Variants in SLCO1B3 observed in about 807,000 individuals in gnomAD.
SLCO1B3 encodes the protein liver-specific organic anion transporter 2.
SLCO1B3 carries 72 observed loss-of-function variants against 71.8 expected under a neutral mutation model. The ratio of observed to expected loss-of-function variants is 1.00; its 90% CI spans 0.83 to 1.22. The LOEUF (loss-of-function observed/expected upper bound fraction) is 1.22, where lower values mean the gene tolerates loss of function less well. SLCO1B3 is among the 50% of genes most tolerant of loss of function. The probability of loss-of-function intolerance (pLI) is 0.00; values close to 1 mark genes in which losing one functional copy is unlikely to be tolerated. For synonymous variants in SLCO1B3, 298 were observed against 278.4 expected, an observed-to-expected ratio of 1.07 and a Z score of -0.70; for missense variants, 911 against 819.7, an observed-to-expected ratio of 1.11 and a Z score of -1.36.
At chr12:20,868,483 A>G (rs56062761) in intron 8 of SLCO1B3, among the ~76,000 whole-genome samples, 3,119 of 152,162 alleles carry the variant, frequency 0.02, 110 homozygotes, top group African/African-American at 0.071. Context: ...GGAACTCCCT[A>G]TTTCCCCTTT....
intron 6 of SLCO1B3, 93 bp from the exon 7 acceptor site, chr12:20,862,319 A>G (rs1865282655): frequency 7.2e-7 from 1 of 1,382,660 alleles, no homozygotes; most frequent in African/African-American, 1.5e-5. Flanking sequence ...CAAACAAACA[A>G]AAAATGGAAA....
At chr12:20,820,331 G>T (rs999602218) in intron 3 of SLCO1B3, among the ~76,000 whole-genome samples, 2 of 152,154 alleles carry the variant, frequency 1.3e-5, no homozygotes, top group African/African-American at 4.8e-5. Flanking sequence ...AGTTCCAGGG[G>T]CTCTGGGAGT....
chr12:20,916,254 A>G lies in SLCO1B3; in HGVS notation c.*7A>G, dbSNP rs1464263850. The stretch of plus-strand genomic sequence containing the variant: ...CAATGCTGCTGCCAACTAACATTGC[A>G]TTGATTCATTAAGATGTTATTTTTG... On this transcript the variant is annotated 3_prime_UTR_variant, in exon 16 of 16. Coordinates refer to ENST00000381545, the MANE Select transcript of SLCO1B3 (RefSeq NM_019844.4). 6.2e-7 allele frequency: 1 copy of G among 1,610,026 alleles called. No homozygotes were observed. The highest frequency in any genetic ancestry group is 8.5e-7 in the Non-Finnish European group (1 of 1,177,574).
At chr12:20,833,090 C>G (rs1157542352) in intron 3 of SLCO1B3, among the ~76,000 whole-genome samples, 1 of 152,164 alleles carries the variant, frequency 6.6e-6, no homozygotes, top group Non-Finnish European at 1.5e-5. Flanking sequence ...TAGAGGCTGT[C>G]TGAATTCCTT....
intron 13 of SLCO1B3, among the ~76,000 whole-genome samples, chr12:20,892,819 A>G (rs535451767): frequency 6.8e-6 from 1 of 148,020 alleles, no homozygotes; most frequent in Non-Finnish European, 1.5e-5. Flanking sequence ...GGCCCCCTGA[A>G]TGTCTGTGCT....
rs1324923767 is a variant in SLCO1B3 at position 20,898,518 on chromosome 12, A to G, written c.1747+18A>G. The G allele has an allele frequency of 3.1e-6, 4 of 1,300,174 alleles. No homozygotes were observed. The African/African-American group carries it at 5.8e-5, about 19-fold the overall frequency. The allele number at this position is 1,300,174 out of a possible 1,614,324, so 80.5% of individuals were successfully genotyped here. ...AACACTAGGTATGACAAATATATAGATTATACATTTTAACATATAAATATT... is the reference window on the plus strand; with the variant it reads ...AACACTAGGTATGACAAATATATAGGTTATACATTTTAACATATAAATATT... On this transcript the variant is annotated intron_variant, in intron 14 of 15. Transcript: ENST00000381545.
intron 10 of SLCO1B3, among the ~76,000 whole-genome samples, chr12:20,878,849 G>A (rs1168061214): frequency 6.6e-6 from 1 of 152,034 alleles, no homozygotes; most frequent in African/African-American, 2.4e-5. Context: ...TCATATCATG[G>A]TAGATATGTC....
At chr12:20,819,870 A>T (rs996920683) in intron 3 of SLCO1B3, among the ~76,000 whole-genome samples, 3 of 152,094 alleles carry the variant, frequency 2.0e-5, no homozygotes, top group Non-Finnish European at 4.4e-5. Flanking sequence ...GTGGGGGAAT[A>T]CAAGAAGAGG....
chr12:20,838,591 T>C (rs1327994117), intron 3 of SLCO1B3, among the ~76,000 whole-genome samples: 8 of 152,092 alleles, frequency 5.3e-5, no homozygotes, highest in Admixed American at 4.6e-4. Context: ...GCTAGACACC[T>C]AGGCTATATG....
chr12:20,814,700 C>A (rs1864160354), intron 2 of SLCO1B3, among the ~76,000 whole-genome samples: 1 of 152,016 alleles, frequency 6.6e-6, no homozygotes, highest in South Asian at 2.1e-4. Context: ...ACCATGCTGG[C>A]TAACACGGTG....
intron 15 of SLCO1B3, among the ~76,000 whole-genome samples, chr12:20,912,384 C>T (rs1591795104): frequency 6.6e-6 from 1 of 150,996 alleles, no homozygotes; most frequent in Non-Finnish European, 1.5e-5. Flanking sequence ...GGCTGGAGTG[C>T]AGCAGTACGA....
intron 12 of SLCO1B3, among the ~76,000 whole-genome samples, chr12:20,881,512 A>G (rs1865693274): frequency 6.6e-6 from 1 of 152,170 alleles, no homozygotes; most frequent in Non-Finnish European, 1.5e-5. Flanking sequence ...TGGACTTTCC[A>G]AGAAATGAGT....
chr12:20,812,545 G>T (rs11045523), intron 1 of SLCO1B3, among the ~76,000 whole-genome samples: 36,165 of 152,094 alleles, frequency 0.24, 4,689 homozygotes, highest in Middle Eastern at 0.35. Context: ...TTGGGACAGT[G>T]GTTCCATACA....
intron 13 of SLCO1B3, among the ~76,000 whole-genome samples, chr12:20,889,915 A>ATTTTTT (rs36117594): frequency 6.9e-6 from 1 of 145,094 alleles, no homozygotes; most frequent in Non-Finnish European, 1.5e-5. Context: ...CATTTTCTTA[A>ATTTTTT]TTTTTTTTTT....
At chr12:20,868,701 T>A (rs1591770908) in intron 8 of SLCO1B3, among the ~76,000 whole-genome samples, 1 of 152,056 alleles carries the variant, frequency 6.6e-6, no homozygotes, top group South Asian at 2.1e-4. Flanking sequence ...GGGGGACCAC[T>A]ACCACCAATG....
At chr12:20,831,372 A>AAAAAAAAAAC (rs1565581010) in intron 3 of SLCO1B3, among the ~76,000 whole-genome samples, 1 of 151,812 alleles carries the variant, frequency 6.6e-6, no homozygotes, top group Non-Finnish European at 1.5e-5. Context: ...AAAAAAAAAA[A>AAAAAAAAAAC]AAAAAAGCCA....
chr12:20,864,756 ATCT>A (rs1865339653), intron 8 of SLCO1B3, among the ~76,000 whole-genome samples: 1 of 152,214 alleles, frequency 6.6e-6, no homozygotes. Flanking sequence ...ACCTTATCAC[ATCT>A]TCTCTTATTC....
chr12:20,871,905 A>T (rs10841684), intron 8 of SLCO1B3, among the ~76,000 whole-genome samples: 109,966 of 151,794 alleles, frequency 0.72, 42,429 homozygotes, highest in South Asian at 0.9. Context: ...TTAACTCAAG[A>T]TCAAGGGCTC....
At chr12:20,849,161 A>C (rs1864972868) in intron 3 of SLCO1B3, among the ~76,000 whole-genome samples, 1 of 152,016 alleles carries the variant, frequency 6.6e-6, no homozygotes, top group Admixed American at 6.6e-5. Context: ...TATATTAAAA[A>C]ATTTTTCAAG....
Sources: gnomAD v4.1 joint callset for allele counts (sites outside exome capture counted in the v4.1 genomes callset) on GRCh38, gnomAD v4.1.1 for gene constraint, MANE v1.5 for transcripts, NCBI Gene and HGNC (gene_info 2026-07-23, HGNC 2026-07-21) for gene names.